The following CIMIP2C variants were observed in gnomAD, a reference collection of about 807,000 sequenced individuals.
CIMIP2C encodes ciliary microtubule inner protein 2C.
the CIMIP2C span, chr2:26,579,274 A>G: frequency 6.2e-7 from 1 of 1,612,702 alleles, no homozygotes; most frequent in Non-Finnish European, 8.5e-7. Context: ...GCATAACACC[A>G]GTCCCATCCT....
chr2:26,566,865 G>A, the CIMIP2C span, among the ~76,000 whole-genome samples: 1 of 152,130 alleles, frequency 6.6e-6, no homozygotes, highest in Non-Finnish European at 1.5e-5. Flanking sequence ...GACCACAGGT[G>A]TGCACCACCA....
At chr2:26,572,845 G>A in the CIMIP2C span, among the ~76,000 whole-genome samples, 12 of 152,208 alleles carry the variant, frequency 7.9e-5, no homozygotes, top group African/African-American at 2.2e-4. Context: ...CAGGCTGCCC[G>A]ATGGTTCCAG....
chr2:26,568,790 G>A, the CIMIP2C span, among the ~76,000 whole-genome samples: 6 of 152,182 alleles, frequency 3.9e-5, no homozygotes, highest in East Asian at 7.7e-4. Flanking sequence ...GGAGGCCGGG[G>A]CAGGTGGATT....
chr2:26,569,314 G>A, the CIMIP2C span, among the ~76,000 whole-genome samples: 7 of 152,170 alleles, frequency 4.6e-5, no homozygotes, highest in Non-Finnish European at 1.0e-4. Context: ...CAGCTGGAAT[G>A]GGAAAACTGT....
chr2:26,575,945 C>T, the CIMIP2C span: 2 of 1,613,912 alleles, frequency 1.2e-6, no homozygotes, highest in Non-Finnish European at 1.7e-6. Flanking sequence ...CTTTGGCGCT[C>T]CCTACGGCAC....
the CIMIP2C span, among the ~76,000 whole-genome samples, chr2:26,565,151 G>A: frequency 6.7e-5 from 10 of 149,100 alleles, no homozygotes; most frequent in African/African-American, 1.5e-4. Context: ...GTGCAATGGC[G>A]CAATCTCGGC....
chr2:26,565,058 T>TCC, the CIMIP2C span, among the ~76,000 whole-genome samples: 34 of 148,694 alleles, frequency 2.3e-4, no homozygotes, highest in Middle Eastern at 3.5e-3. Flanking sequence ...CTTCTCCTTC[T>TCC]TCTTCCCCTT....
the CIMIP2C span, among the ~76,000 whole-genome samples, chr2:26,575,307 G>A: frequency 1.3e-5 from 2 of 152,184 alleles, no homozygotes; most frequent in Admixed American, 1.3e-4. Flanking sequence ...CCCACCCATC[G>A]CTGTTCACTG....
the CIMIP2C span, among the ~76,000 whole-genome samples, chr2:26,568,684 A>G: frequency 2.0e-5 from 3 of 152,198 alleles, no homozygotes; most frequent in African/African-American, 4.8e-5. Flanking sequence ...CAGAGAGCCT[A>G]TGATTAATAA....
At chr2:26,573,978 C>T in the CIMIP2C span, among the ~76,000 whole-genome samples, 312 of 152,364 alleles carry the variant, frequency 2.0e-3, no homozygotes, top group African/African-American at 7.1e-3. Context: ...CACTCGGCTT[C>T]GCTTCCTTGC....
At chr2:26,577,662 A>C in the CIMIP2C span, 3 of 1,537,326 alleles carry the variant, frequency 2.0e-6, no homozygotes, top group Non-Finnish European at 2.7e-6. Flanking sequence ...CTACGCAGTC[A>C]AGAAACGCAC....
chr2:26,577,638 T>C, the CIMIP2C span: 1 of 1,604,116 alleles, frequency 6.2e-7, no homozygotes, highest in Non-Finnish European at 8.5e-7. Flanking sequence ...TGTGAGTGCC[T>C]GCCCTCCCTT....
chr2:26,565,142 T>G, the CIMIP2C span, among the ~76,000 whole-genome samples: 16 of 150,106 alleles, frequency 1.1e-4, no homozygotes, highest in Non-Finnish European at 2.4e-4. Context: ...CAGGCTGGAG[T>G]GCAATGGCGC....
chr2:26,576,125 C>A, the CIMIP2C span: 1 of 1,614,174 alleles, frequency 6.2e-7, no homozygotes, highest in Non-Finnish European at 8.5e-7. Flanking sequence ...CAGCTACACT[C>A]GCTTCAACCT....
At chr2:26,563,586 T>A in the CIMIP2C span, among the ~76,000 whole-genome samples, 1 of 152,302 alleles carries the variant, frequency 6.6e-6, no homozygotes, top group African/African-American at 2.4e-5. Flanking sequence ...AATGAATGAA[T>A]GATCCTAAGA....
At chr2:26,569,976 C>CAT in the CIMIP2C span, among the ~76,000 whole-genome samples, 1 of 152,176 alleles carries the variant, frequency 6.6e-6, no homozygotes. Flanking sequence ...AATGCAGGTG[C>CAT]ATATAAGGGA....
chr2:26,572,448 C>T, the CIMIP2C span, among the ~76,000 whole-genome samples: 1 of 151,830 alleles, frequency 6.6e-6, no homozygotes, highest in Non-Finnish European at 1.5e-5. Flanking sequence ...AGTTGCTGAG[C>T]CCTTTCATGC....
chr2:26,570,004 A>G, the CIMIP2C span, among the ~76,000 whole-genome samples: 7 of 152,198 alleles, frequency 4.6e-5, no homozygotes, highest in Non-Finnish European at 7.3e-5. Flanking sequence ...CTAGCTTGCC[A>G]AGATGCGCCC....
chr2:26,576,120 A>G, the CIMIP2C span: 1 of 1,614,156 alleles, frequency 6.2e-7, no homozygotes, highest in East Asian at 2.2e-5. Flanking sequence ...AAGCCCAGCT[A>G]CACTCGCTTC....
Sources: allele counts gnomAD v4.1 joint callset (sites outside exome capture counted in the v4.1 genomes callset), GRCh38; gene constraint gnomAD v4.1.1; transcripts MANE v1.5; gene names NCBI Gene and HGNC (gene_info 2026-07-23, HGNC 2026-07-21).